The following SPATA13 variants were observed in gnomAD, a reference collection of about 807,000 sequenced individuals.
The protein encoded by SPATA13 is spermatogenesis associated 13.
A neutral mutation model predicts 104.0 loss-of-function variants in SPATA13; 50 were observed. That is an observed-to-expected ratio of 0.48 (90% CI 0.38 to 0.61). The LOEUF (loss-of-function observed/expected upper bound fraction) is 0.61, where lower values mean the gene tolerates loss of function less well. SPATA13 is among the 20% of genes least tolerant of loss of function. The pLI is 0.00. For synonymous variants in SPATA13, 606 were observed against 667.5 expected (o/e 0.91, Z 1.42); for missense variants, 1,524 against 1,690.6 (o/e 0.90, Z 1.73).
At chr13:23,981,977 C>A (rs1874925450) in intron 1 of SPATA13, among the ~76,000 whole-genome samples, 1 of 152,180 alleles carries the variant, frequency 6.6e-6, no homozygotes. Context: ...GGAATGTTGT[C>A]ATTGTCAATA....
intron 1 of SPATA13, among the ~76,000 whole-genome samples, chr13:24,193,164 G>A (rs778939208): frequency 7.9e-5 from 12 of 152,290 alleles, no homozygotes; most frequent in Non-Finnish European, 1.6e-4. Flanking sequence ...TCTGGCATGT[G>A]GGCGCTGGAT....
chr13:23,989,816 T>C (rs927764), intron 2 of SPATA13, among the ~76,000 whole-genome samples: 3,289 of 152,288 alleles, frequency 0.022, 114 homozygotes, highest in African/African-American at 0.073. Flanking sequence ...AGAAGCCTGA[T>C]GAACAGGGTT....
At chr13:24,231,023 G>C (rs939843961) in intron 2 of SPATA13, among the ~76,000 whole-genome samples, 1 of 152,138 alleles carries the variant, frequency 6.6e-6, no homozygotes, top group African/African-American at 2.4e-5. Flanking sequence ...AGTGTGTGCA[G>C]CCACTACCAC....
intron 3 of SPATA13, among the ~76,000 whole-genome samples, chr13:24,039,421 G>A (rs1233697181): frequency 6.6e-6 from 1 of 152,222 alleles, no homozygotes; most frequent in African/African-American, 2.4e-5. Flanking sequence ...TATAGTGGAA[G>A]CAGATTCGCA....
In SPATA13 at chr13:24,278,100, G is replaced by A. The variant is rs551373087; in HGVS notation, c.2165-6035G>A. Among the ~76,000 whole-genome samples, 163 of 152,302 alleles carry A rather than the reference G, an allele frequency of 1.1e-3. 2 individuals are homozygous for A. Among genetic ancestry groups the A allele is most frequent in the African/African-American group, 3.7e-3 (155 of 41,578 alleles). ...TAGTTGGAAGGAAGGGTTAGTGAGG[G>A]AACGGAGGGCAGGACATACGGCTGC... On this transcript the variant is annotated intron_variant, in intron 4 of 12. Transcript: ENST00000382108.
In SPATA13 at chr13:24,259,250, G is replaced by A. The variant is rs528883228; in HGVS notation, c.2164+7388G>A. Among the ~76,000 whole-genome samples the A allele has an allele frequency of 2.0e-5, 3 of 152,346 alleles. No homozygotes were observed. The South Asian group carries it at 6.2e-4, about 32-fold the overall frequency. On this transcript the variant is annotated intron_variant, in intron 4 of 12. Coordinates refer to ENST00000382108, the MANE Select transcript of SPATA13 (RefSeq NM_001166271.3). The stretch of plus-strand genomic sequence containing the variant: ...GGGGGCTCTTCTTGTGAACAGATCA[G>A]TGCATCTTTCTGCTGCTGTCTGCAG...
At chr13:23,985,070 C>A (rs535833782) in intron 2 of SPATA13, among the ~76,000 whole-genome samples, 1 of 152,152 alleles carries the variant, frequency 6.6e-6, no homozygotes, top group African/African-American at 2.4e-5. Context: ...AACAGAATAA[C>A]CAAACACAGA....
At chr13:24,054,643 G>A (rs1878475701) in intron 3 of SPATA13, among the ~76,000 whole-genome samples, 1 of 152,162 alleles carries the variant, frequency 6.6e-6, no homozygotes, top group African/African-American at 2.4e-5. Flanking sequence ...ACTCTAAAGA[G>A]TACAGAAGAG....
chr13:24,098,274 C>G (rs1880144577), intron 3 of SPATA13, among the ~76,000 whole-genome samples: 1 of 152,010 alleles, frequency 6.6e-6, no homozygotes, highest in Non-Finnish European at 1.5e-5. Flanking sequence ...AAATGAAGAA[C>G]AGACCAGGCA....
At chr13:24,147,675 A>T (rs1406066267) in intron 3 of SPATA13, among the ~76,000 whole-genome samples, 2 of 152,214 alleles carry the variant, frequency 1.3e-5, no homozygotes, top group Non-Finnish European at 2.9e-5. Context: ...AAGTACATTT[A>T]TATTGCTGTG....
intron 4 of SPATA13, among the ~76,000 whole-genome samples, chr13:24,267,335 A>G (rs1566180793): frequency 6.6e-6 from 1 of 152,184 alleles, no homozygotes; most frequent in Non-Finnish European, 1.5e-5. Flanking sequence ...GCCTGATTTC[A>G]AGGCAGTCTT....
rs183984791 is a variant in SPATA13 at position 24,293,182 on chromosome 13, C to G, written c.3081-1557C>G. On this transcript the variant is annotated intron_variant, in intron 9 of 12. Coordinates refer to ENST00000382108, the MANE Select transcript of SPATA13 (RefSeq NM_001166271.3). ...TTGAAATAGATAAAAGAAGAGAGAG[C>G]TATATATTTTTTTCTTTTTCTGATG... 6.7e-5 allele frequency among the ~76,000 whole-genome samples: 10 copies of G among 148,352 alleles called. No individual in the cohort carries two copies. The East Asian group carries it at 2.0e-3, about 29-fold the overall frequency.
chr13:24,268,057 C>T (rs929152171), intron 4 of SPATA13, among the ~76,000 whole-genome samples: 1 of 152,176 alleles, frequency 6.6e-6, no homozygotes, highest in African/African-American at 2.4e-5. Context: ...GTAGCAAGGC[C>T]AGAGGATACT....
intron 1 of SPATA13, among the ~76,000 whole-genome samples, chr13:24,198,186 G>C (rs1026233744): frequency 6.6e-6 from 1 of 152,068 alleles, no homozygotes; most frequent in Non-Finnish European, 1.5e-5. Flanking sequence ...GTAGAGACGG[G>C]GTTTCACTGT....
intron 3 of SPATA13, among the ~76,000 whole-genome samples, chr13:24,142,185 C>T (rs1056830645): frequency 3.6e-4 from 55 of 151,646 alleles, no homozygotes; most frequent in African/African-American, 1.1e-3. Context: ...GTGCCCCCCT[C>T]CCCCGCCAAT....
chr13:24,127,634 G>A (rs1881264859), intron 3 of SPATA13, among the ~76,000 whole-genome samples: 1 of 152,226 alleles, frequency 6.6e-6, no homozygotes, highest in South Asian at 2.1e-4. Flanking sequence ...TAGCTGGTAA[G>A]TTTCTTGAGA....
intron 2 of SPATA13, among the ~76,000 whole-genome samples, chr13:23,995,802 A>T (rs1236243927): frequency 6.6e-6 from 1 of 150,890 alleles, no homozygotes; most frequent in Non-Finnish European, 1.5e-5. Flanking sequence ...AGAAGGGCAT[A>T]AAAATTCAGA....
chr13:24,225,925 A>G (rs7327245), intron 2 of SPATA13, among the ~76,000 whole-genome samples: 41,938 of 152,104 alleles, frequency 0.28, 6,034 homozygotes, highest in Middle Eastern at 0.38. Flanking sequence ...TCCAGGAAAA[A>G]TGAAGTTACG....
At chr13:24,166,005 C>T (rs1226028963) in intron 1 of SPATA13, among the ~76,000 whole-genome samples, 2 of 152,178 alleles carry the variant, frequency 1.3e-5, no homozygotes, top group African/African-American at 2.4e-5. Context: ...TCCACTTCCA[C>T]CCTTCCTGGG....
Sources: allele counts gnomAD v4.1 joint callset (sites outside exome capture counted in the v4.1 genomes callset), GRCh38; gene constraint gnomAD v4.1.1; transcripts MANE v1.5; gene names NCBI Gene and HGNC (gene_info 2026-07-23, HGNC 2026-07-21).